The following PHF21B variants were observed in gnomAD, a reference collection of about 807,000 sequenced individuals.
The protein encoded by PHF21B is PHD finger protein 21B, also known as PHD finger protein 4.
Under a neutral mutation model 62.2 loss-of-function variants are expected in PHF21B, and 22 were observed. That is an observed-to-expected ratio of 0.35 (90% confidence interval 0.25 to 0.51). PHF21B has a LOEUF of 0.51. PHF21B is among the 20% of genes least tolerant of loss of function. The pLI is 0.97. For missense variants in PHF21B, 701 were observed against 707.9 expected (o/e 0.99, Z 0.11); for synonymous variants, 341 against 314.7 (o/e 1.08, Z -0.88).
At chr22:44,985,560 C>T (rs116545398) in intron 2 of PHF21B, among the ~76,000 whole-genome samples, 2,947 of 151,518 alleles carry the variant, frequency 0.019, 93 homozygotes, top group African/African-American at 0.067. Flanking sequence ...ATTGCATCAC[C>T]GAGCTCCACC....
intron 8 of PHF21B, among the ~76,000 whole-genome samples, chr22:44,890,214 T>C (rs1418753021): frequency 1.3e-5 from 2 of 152,166 alleles, no homozygotes; most frequent in Non-Finnish European, 2.9e-5. Flanking sequence ...ATGTGGCCCC[T>C]GTGCTGAGGA....
intron 2 of PHF21B, among the ~76,000 whole-genome samples, chr22:44,944,548 G>A (rs1483721623): frequency 6.6e-6 from 1 of 152,172 alleles, no homozygotes; most frequent in Non-Finnish European, 1.5e-5. Context: ...CCCACAGCCG[G>A]CGTCAGCAGA....
chr22:44,897,462 C>T (rs902493084), intron 5 of PHF21B, among the ~76,000 whole-genome samples: 3 of 152,128 alleles, frequency 2.0e-5, no homozygotes, highest in African/African-American at 7.2e-5. Context: ...GTGAGGCTCT[C>T]TTGCTGGCCT....
At chr22:44,986,008 T>C (rs530192695) in intron 2 of PHF21B, among the ~76,000 whole-genome samples, 81 of 130,660 alleles carry the variant, frequency 6.2e-4, no homozygotes, top group African/African-American at 2.3e-3. Context: ...ATGACAACCA[T>C]CACCAGCAGC....
chr22:45,007,738 AGGGGG>A (rs2073350166), intron 2 of PHF21B, among the ~76,000 whole-genome samples: 4 of 7,576 alleles, frequency 5.3e-4, no homozygotes, highest in African/African-American at 1.5e-3. Context: ...GAGTGCGGGG[AGGGGG>A]CGCGGCGGGG....
At chr22:44,938,169 G>A (rs887410049) in intron 2 of PHF21B, among the ~76,000 whole-genome samples, 5 of 152,218 alleles carry the variant, frequency 3.3e-5, no homozygotes, top group Non-Finnish European at 5.9e-5. Flanking sequence ...CCACCTCCCA[G>A]GTTCAAGCCA....
At chr22:44,997,989 T>G (rs1315419951) in intron 2 of PHF21B, among the ~76,000 whole-genome samples, 1 of 152,224 alleles carries the variant, frequency 6.6e-6, no homozygotes, top group Non-Finnish European at 1.5e-5. Flanking sequence ...TTGTAGACTC[T>G]GAAAACAGAA....
intron 2 of PHF21B, among the ~76,000 whole-genome samples, chr22:44,972,192 T>A (rs1049206874): frequency 6.6e-6 from 1 of 152,254 alleles, no homozygotes; most frequent in Non-Finnish European, 1.5e-5. Context: ...CTTTGTATTC[T>A]TCATCAACTT....
Position 44,993,505 on chromosome 22 carries a change from G to A in PHF21B, c.120+15040C>T, listed in dbSNP as rs540168708. Among the ~76,000 whole-genome samples, 19 of 152,330 alleles carry A rather than the reference G, an allele frequency of 1.2e-4. No homozygotes were observed. The East Asian group carries it at 1.9e-3, about 15-fold the overall frequency. On this transcript the variant is annotated intron_variant, in intron 2 of 12. Transcript: ENST00000313237. Reference sequence around the variant, plus strand: ...CCAGACCCCAGCTTCCCGGTCAACCGGAGAACAGGCCACAGCCAAGAACAG... The same window carrying A: ...CCAGACCCCAGCTTCCCGGTCAACCAGAGAACAGGCCACAGCCAAGAACAG...
intron 2 of PHF21B, among the ~76,000 whole-genome samples, chr22:44,970,549 T>G (rs190070723): frequency 1.3e-5 from 2 of 152,300 alleles, no homozygotes; most frequent in Non-Finnish European, 2.9e-5. Context: ...AAGGCCAGCA[T>G]GACCCTCCCC....
chr22:44,922,328 A>G (rs2071552570), intron 2 of PHF21B, among the ~76,000 whole-genome samples: 1 of 152,194 alleles, frequency 6.6e-6, no homozygotes, highest in African/African-American at 2.4e-5. Flanking sequence ...GCAGGATAGA[A>G]CAATATATAA....
intron 2 of PHF21B, among the ~76,000 whole-genome samples, chr22:44,968,345 C>T (rs2072570310): frequency 1.3e-5 from 2 of 151,976 alleles, no homozygotes; most frequent in South Asian, 2.1e-4. Flanking sequence ...ATCCCTTATC[C>T]GAAATGCTTG....
In PHF21B at chr22:44,913,988, G is replaced by A; in HGVS notation, c.665C>T (p.Pro222Leu). Residue 222 changes from proline to leucine, a missense_variant, in exon 5 of 13, where the codon CCT becomes CTT. Physicochemically the swap from Pro to Leu is moderately conservative, Grantham distance 98. Coordinates refer to ENST00000313237, the MANE Select transcript of PHF21B (RefSeq NM_138415.5). ...CTGGAAGATGCCATGGAGGGGTGAAGGGGACAGTGATGGGGAGGGAGGGGT... is the reference window on the plus strand; with the variant it reads ...CTGGAAGATGCCATGGAGGGGTGAAAGGGACAGTGATGGGGAGGGAGGGGT... ...PLTPPSPSLS[P>L]SPLHGIFQVI... 1 of 1,604,340 alleles carries A rather than the reference G, an allele frequency of 6.2e-7. No individual in the cohort carries two copies. Among genetic ancestry groups the A allele is most frequent in the Admixed American group, 1.7e-5 (1 of 59,864 alleles).
At chr22:44,895,186 G>C (rs1312174887) in intron 6 of PHF21B, among the ~76,000 whole-genome samples, 3 of 152,146 alleles carry the variant, frequency 2.0e-5, no homozygotes, top group African/African-American at 7.2e-5. Flanking sequence ...CCTGGGCCTG[G>C]TATCAACTGG....
chr22:44,912,694 ACTAATACACCCTGTCT>A (rs1345132649), intron 5 of PHF21B, among the ~76,000 whole-genome samples: 1 of 151,912 alleles, frequency 6.6e-6, no homozygotes, highest in African/African-American at 2.4e-5. Context: ...ATGAAAACGG[ACTAATACACCCTGTCT>A]CTACAAAACA....
chr22:44,989,391 C>T (rs1158434816), intron 2 of PHF21B: 2 of 152,212 alleles, frequency 1.3e-5, no homozygotes, highest in African/African-American at 2.4e-5. Context: ...CCTCAAACCT[C>T]GCTTTTTAAA....
intron 2 of PHF21B, among the ~76,000 whole-genome samples, chr22:44,992,867 T>C (rs2073063776): frequency 6.6e-6 from 1 of 152,160 alleles, no homozygotes; most frequent in African/African-American, 2.4e-5. Context: ...CAGCTCTCCC[T>C]GGTTTTCTTC....
Position 44,916,287 on chromosome 22 carries a change from T to C in PHF21B, c.557A>G (p.Asp186Gly), listed in dbSNP as rs1249651272. The C allele has an allele frequency of 6.2e-7, 1 of 1,608,566 alleles. No homozygotes were observed. Among genetic ancestry groups the C allele is most frequent in the Non-Finnish European group, 8.5e-7 (1 of 1,179,074 alleles). ...IKVQPLLISA[D>G]NKPPPRLLSS... ...CTGCTGGTGGGCACTCACCTTGTTGTCAGCACTGATGAGGAGGGGCTGGAC... is the reference window on the plus strand; with the variant it reads ...CTGCTGGTGGGCACTCACCTTGTTGCCAGCACTGATGAGGAGGGGCTGGAC... The change falls in exon 4 of 13, where the codon GAC (aspartate) becomes GGC (glycine). Residue 186 changes from aspartate (D) to glycine (G), a missense_variant. Coordinates refer to ENST00000313237, the MANE Select transcript of PHF21B (RefSeq NM_138415.5).
At chr22:44,931,647 G>A (rs955725879) in intron 2 of PHF21B, among the ~76,000 whole-genome samples, 1 of 151,314 alleles carries the variant, frequency 6.6e-6, no homozygotes, top group Non-Finnish European at 1.5e-5. Context: ...TCTTGGGGGG[G>A]GGGTGTCAAA....
Sources: gnomAD v4.1 joint callset for allele counts (sites outside exome capture counted in the v4.1 genomes callset) on GRCh38, gnomAD v4.1.1 for gene constraint, MANE v1.5 for transcripts, NCBI Gene and HGNC (gene_info 2026-07-23, HGNC 2026-07-21) for gene names.